Variants in RAD51B observed in about 807,000 individuals in gnomAD.
The protein encoded by RAD51B is RAD51 paralog B.
A neutral mutation model predicts 42.2 loss-of-function variants in RAD51B; 38 were observed. The ratio of observed to expected loss-of-function variants is 0.90; its 90% CI spans 0.70 to 1.18. The LOEUF is 1.18. Among genes scored for constraint, RAD51B ranks in the 50% most tolerant of loss-of-function variants. The pLI, the probability that RAD51B is intolerant of heterozygous loss-of-function variation, is 0.00. For missense variants in RAD51B, 373 were observed against 400.7 expected (o/e 0.93, Z 0.59); for synonymous variants, 154 against 145.2 (o/e 1.06, Z -0.43).
chr14:68,320,783 C>T (rs1490159322), intron 8 of RAD51B, among the ~76,000 whole-genome samples: 3 of 152,014 alleles, frequency 2.0e-5, no homozygotes, highest in Non-Finnish European at 4.4e-5. Context: ...CCATCATCTG[C>T]TGTGGCCACA....
chr14:68,101,028 A>G (rs938799443), intron 7 of RAD51B, among the ~76,000 whole-genome samples: 2 of 152,216 alleles, frequency 1.3e-5, no homozygotes, highest in African/African-American at 2.4e-5. Flanking sequence ...CCTTCTTCAC[A>G]TGGTGGCAGG....
At chr14:67,922,836 C>T (rs545732861) in intron 7 of RAD51B, among the ~76,000 whole-genome samples, 97 of 152,094 alleles carry the variant, frequency 6.4e-4, no homozygotes, top group Non-Finnish European at 8.4e-4. Flanking sequence ...GGATTATAGG[C>T]GCCTGCCACC....
At chr14:68,093,918 C>T (rs1487279129) in intron 7 of RAD51B, among the ~76,000 whole-genome samples, 2 of 152,188 alleles carry the variant, frequency 1.3e-5, no homozygotes, top group African/African-American at 4.8e-5. Context: ...TCACTAAATC[C>T]TGCCAGATTT....
downstream of RAD51B, among the ~76,000 whole-genome samples, chr14:68,614,650 A>G (rs186501935): frequency 3.3e-5 from 5 of 152,342 alleles, no homozygotes; most frequent in Non-Finnish European, 7.3e-5. Flanking sequence ...CAGTGAGCAT[A>G]GTGTTTTCAA....
At position 68,627,626 on chromosome 14, in the gene RAD51B, TC is replaced by T. The variant is rs202122355; in HGVS notation, c.1037-23152del. On this transcript the variant is annotated intron_variant, in intron 10 of 11. Transcript: ENST00000488612. ...CTCACTTCTAAGCCTGCCGTTGGCT[TC>T]CCACAGCCTCTGTCTGCCAGTCCCC... Among the ~76,000 whole-genome samples the T allele has an allele frequency of 1.9e-4, 29 of 152,280 alleles. 1 individual carries two copies. The highest frequency in any genetic ancestry group is 1.7e-3 in the East Asian group (9 of 5,180).
At chr14:67,903,850 C>T (rs2043691243) in intron 7 of RAD51B, among the ~76,000 whole-genome samples, 2 of 152,080 alleles carry the variant, frequency 1.3e-5, no homozygotes, top group African/African-American at 2.4e-5. Flanking sequence ...TATTTCATTA[C>T]CCAGGTAATA....
chr14:68,023,120 A>G (rs1396432050), intron 7 of RAD51B, among the ~76,000 whole-genome samples: 3 of 152,164 alleles, frequency 2.0e-5, no homozygotes, highest in Non-Finnish European at 4.4e-5. Flanking sequence ...GTGAACATAC[A>G]TGTGCATTTG....
At chr14:68,381,481 C>G (rs2083477287) in intron 8 of RAD51B, among the ~76,000 whole-genome samples, 1 of 152,100 alleles carries the variant, frequency 6.6e-6, no homozygotes. Context: ...CGAGACCATC[C>G]TGGCCAACAT....
chr14:68,525,161 AATGGGCC>A (rs1221084992), intron 10 of RAD51B, among the ~76,000 whole-genome samples: 1 of 152,238 alleles, frequency 6.6e-6, no homozygotes, highest in African/African-American at 2.4e-5. Context: ...AGAAAGACTC[AATGGGCC>A]ATTATCAGCT....
chr14:68,282,909 T>C (rs1237049990), intron 7 of RAD51B, among the ~76,000 whole-genome samples: 1 of 152,140 alleles, frequency 6.6e-6, no homozygotes, highest in African/African-American at 2.4e-5. Context: ...GACCCGAGAC[T>C]CCTCTGCTTC....
chr14:67,876,827 A>T (rs2042744393), intron 5 of RAD51B, among the ~76,000 whole-genome samples: 1 of 152,096 alleles, frequency 6.6e-6, no homozygotes, highest in African/African-American at 2.4e-5. Context: ...GTGGTGTTTT[A>T]CCTCAGGACA....
intron 10 of RAD51B, among the ~76,000 whole-genome samples, chr14:68,487,105 C>T (rs1335917966): frequency 6.6e-6 from 1 of 152,224 alleles, no homozygotes; most frequent in Non-Finnish European, 1.5e-5. Flanking sequence ...TATTCGTCTG[C>T]TCAGGCTGCA....
intron 9 of RAD51B, among the ~76,000 whole-genome samples, chr14:68,420,519 G>A (rs1027819320): frequency 2.6e-5 from 4 of 152,094 alleles, no homozygotes; most frequent in Non-Finnish European, 4.4e-5. Flanking sequence ...AGAACTGGGC[G>A]TTCCTCCCCT....
intron 7 of RAD51B, among the ~76,000 whole-genome samples, chr14:68,254,471 T>G (rs2080708867): frequency 6.6e-6 from 1 of 152,218 alleles, no homozygotes. Flanking sequence ...CACAGTAGTA[T>G]TAGCTGTTCC....
chr14:68,413,840 A>G (rs146746237), intron 9 of RAD51B, among the ~76,000 whole-genome samples: 207 of 152,332 alleles, frequency 1.4e-3, no homozygotes, highest in African/African-American at 4.9e-3. Context: ...AACACCATTT[A>G]GTAGCAGAAC....
chr14:68,168,709 G>C (rs534240124), intron 7 of RAD51B, among the ~76,000 whole-genome samples: 3 of 152,090 alleles, frequency 2.0e-5, no homozygotes, highest in African/African-American at 7.2e-5. Flanking sequence ...TAAAAGCATA[G>C]TTCACTGGAT....
At chr14:68,243,668 A>T (rs1359920640) in intron 7 of RAD51B, among the ~76,000 whole-genome samples, 1 of 152,212 alleles carries the variant, frequency 6.6e-6, no homozygotes, top group Non-Finnish European at 1.5e-5. Flanking sequence ...TTCCCTTTAC[A>T]TATGAATTCA....
chr14:68,434,422 C>A (rs982046476), intron 9 of RAD51B, among the ~76,000 whole-genome samples: 1 of 152,192 alleles, frequency 6.6e-6, no homozygotes, highest in Non-Finnish European at 1.5e-5. Context: ...ACTTTGTTTA[C>A]CTATTCAAGC....
intron 5 of RAD51B, among the ~76,000 whole-genome samples, chr14:67,866,917 G>A (rs1040944414): frequency 2.6e-5 from 4 of 152,176 alleles, no homozygotes; most frequent in South Asian, 2.1e-4. Flanking sequence ...TTGGAATTAC[G>A]TTGCATAGTT....
Sources: allele counts gnomAD v4.1 joint callset (sites outside exome capture counted in the v4.1 genomes callset), GRCh38; gene constraint gnomAD v4.1.1; transcripts MANE v1.5; gene names NCBI Gene and HGNC (gene_info 2026-07-23, HGNC 2026-07-21).